Variants in SLC6A2 observed in about 807,000 individuals in gnomAD.
SLC6A2 encodes the protein solute carrier family 6 member 2.
Under a neutral mutation model 71.7 loss-of-function variants are expected in SLC6A2, and 26 were observed. The ratio of observed to expected loss-of-function variants is 0.36; its 90% CI spans 0.27 to 0.50. The LOEUF is 0.50. Ranked by LOEUF, SLC6A2 falls within the 20% of genes least tolerant of loss-of-function variation. The pLI, the probability that SLC6A2 is intolerant of heterozygous loss-of-function variation, is 0.96. For missense variants in SLC6A2, 581 were observed against 803.9 expected (o/e 0.72, Z 3.35); for synonymous variants, 363 against 337.9 (o/e 1.07, Z -0.82).
chr16:55,671,546 T>A, intron 3 of SLC6A2: 1 of 418,798 alleles, frequency 2.4e-6, no homozygotes, highest in Non-Finnish European at 4.3e-6. Flanking sequence ...AAGCTTCATC[T>A]GTATTTACAG....
chr16:55,692,052 G>A lies in SLC6A2; in HGVS notation c.918G>A (p.Thr306=), dbSNP rs774095404. ...HIDFYRLKEA[T]VWIDAATQIF... ...ACTTCTACCGCTTGAAAGAGGCCACGGTCAGTGCTCAGTGACCACCAAGCC... is the reference window on the plus strand; with the variant it reads ...ACTTCTACCGCTTGAAAGAGGCCACAGTCAGTGCTCAGTGACCACCAAGCC... Residue 306 remains threonine, a splice_region_variant and synonymous_variant, in exon 6 of 15, where the codon ACG becomes ACA. Coordinates refer to ENST00000568943, the MANE Select transcript of SLC6A2 (RefSeq NM_001172501.3). The A allele has an allele frequency of 1.9e-6, 3 of 1,614,128 alleles. No homozygotes were observed. Among genetic ancestry groups the A allele is most frequent in the Non-Finnish European group, 2.5e-6 (3 of 1,180,030 alleles).
intron 11 of SLC6A2, 89 bp downstream of exon 11, chr16:55,698,657 C>A: frequency 1.1e-6 from 1 of 889,248 alleles, no homozygotes; most frequent in Non-Finnish European, 1.9e-6. Context: ...ATTTCCAGGA[C>A]AGCCACCTAA....
Position 55,656,773 on chromosome 16 carries a change from G to A in SLC6A2, c.79G>A (p.Ala27Thr). 1 of 1,613,338 alleles carries A rather than the reference G, an allele frequency of 6.2e-7. No individual in the cohort carries two copies. Among genetic ancestry groups the A allele is most frequent in the Non-Finnish European group, 8.5e-7 (1 of 1,179,818 alleles). The part of the protein sequence containing the change: ...ADTGPEQPLR[A>T]RKTAELLVVK... ...CACGGGTCCAGAGCAGCCCCTTCGG[G>A]CGCGCAAAACTGCGGAGCTGCTGGT... Residue 27 changes from alanine to threonine, a missense_variant, in exon 2 of 15, where the codon GCG becomes ACG. Around this residue, in one of 5 missense-constraint regions of SLC6A2, gnomAD observed 76 missense variants for 79.9 expected, o/e 0.95. Coordinates refer to ENST00000568943, the MANE Select transcript of SLC6A2 (RefSeq NM_001172501.3). The surrounding 1 kb of genome is among the most constrained non-coding windows in gnomAD (Gnocchi z 4.5).
At chr16:55,659,559 G>T (rs1015413603) in intron 2 of SLC6A2, among the ~76,000 whole-genome samples, 2 of 152,148 alleles carry the variant, frequency 1.3e-5, no homozygotes, top group African/African-American at 4.8e-5. Flanking sequence ...ACAGGAAAAG[G>T]CACAATGAGG....
At chr16:55,669,316 G>A (rs553751193) in intron 2 of SLC6A2, among the ~76,000 whole-genome samples, 1 of 152,314 alleles carries the variant, frequency 6.6e-6, no homozygotes, top group Admixed American at 6.5e-5. Context: ...CCTGCAAGAA[G>A]CAAACCTATT....
intron 5 of SLC6A2, among the ~76,000 whole-genome samples, chr16:55,688,656 T>C (rs1256126088): frequency 3.3e-5 from 5 of 152,196 alleles, no homozygotes; most frequent in African/African-American, 9.7e-5. Flanking sequence ...GAGAGTCTGA[T>C]TCAGTGGGGA....
At chr16:55,701,020 A>G (rs905330277) in intron 13 of SLC6A2, among the ~76,000 whole-genome samples, 5 of 152,194 alleles carry the variant, frequency 3.3e-5, no homozygotes, top group Non-Finnish European at 5.9e-5. Flanking sequence ...AACAAAGATG[A>G]TTTCATTCCT....
chr16:55,693,387 T>TTGCAGCTTAGTC (rs1383624518), intron 6 of SLC6A2, among the ~76,000 whole-genome samples: 3 of 150,346 alleles, frequency 2.0e-5, no homozygotes, highest in South Asian at 2.1e-4. Flanking sequence ...AAAATCTGAA[T>TTGCAGCTTAGTC]TGCAGCTTAG....
chr16:55,669,445 C>T (rs895390199), intron 2 of SLC6A2, 120 bp from the exon 3 acceptor site: 10 of 952,326 alleles, frequency 1.1e-5, no homozygotes, highest in Middle Eastern at 6.2e-4. Context: ...TGCTGCGCGT[C>T]GCCTTTGGAA....
At chr16:55,686,233 G>C (rs1367327991) in intron 5 of SLC6A2, among the ~76,000 whole-genome samples, 1 of 152,190 alleles carries the variant, frequency 6.6e-6, no homozygotes, top group East Asian at 1.9e-4. Flanking sequence ...ATTCTAGATG[G>C]TGCATACACA....
chr16:55,691,230 G>GGAGAGAGA (rs56308124), intron 5 of SLC6A2, among the ~76,000 whole-genome samples: 6 of 46,444 alleles, frequency 1.3e-4, no homozygotes, highest in African/African-American at 5.1e-4. Flanking sequence ...GGGGAGAGGG[G>GGAGAGAGA]GAGAGAGAGA....
intron 3 of SLC6A2, chr16:55,671,584 T>C (rs1596965280): frequency 2.0e-6 from 1 of 491,524 alleles, no homozygotes; most frequent in East Asian, 3.1e-5. Flanking sequence ...CATGACCGCC[T>C]GAGCTCCGCC....
intron 2 of SLC6A2, among the ~76,000 whole-genome samples, chr16:55,668,466 G>C (rs561986962): frequency 6.6e-6 from 1 of 152,132 alleles, no homozygotes; most frequent in Non-Finnish European, 1.5e-5. Context: ...GTAGGTCAGA[G>C]AGTATTTGGT....
intron 4 of SLC6A2, among the ~76,000 whole-genome samples, chr16:55,674,671 T>G (rs1965028555): frequency 6.6e-6 from 1 of 152,164 alleles, no homozygotes; most frequent in Admixed American, 6.5e-5. Flanking sequence ...GTGATCCACC[T>G]GCCTTGGCCT....
chr16:55,657,912 C>CTCCTGCGGTGCCCAG (rs1610905), intron 2 of SLC6A2, among the ~76,000 whole-genome samples: 74,747 of 151,822 alleles, frequency 0.49, 18,729 homozygotes, highest in Admixed American at 0.54. Flanking sequence ...AGGGGCTTTG[C>CTCCTGCGGTGCCCAG]TCCTGCCACT....
chr16:55,676,364 A>T (rs956891613), intron 4 of SLC6A2, among the ~76,000 whole-genome samples: 11 of 152,072 alleles, frequency 7.2e-5, no homozygotes, highest in African/African-American at 2.4e-4. Context: ...CACCCACCTA[A>T]TGAGGTTTTT....
At chr16:55,677,299 G>A (rs1299757923) in intron 4 of SLC6A2, among the ~76,000 whole-genome samples, 3 of 150,966 alleles carry the variant, frequency 2.0e-5, no homozygotes, top group African/African-American at 7.4e-5. Flanking sequence ...GAGTGCTGCC[G>A]ACACATGTGA....
intron 5 of SLC6A2, 147 bp from the exon 6 acceptor site, chr16:55,691,771 A>T: frequency 1.1e-6 from 1 of 914,040 alleles, no homozygotes; most frequent in Non-Finnish European, 1.7e-6. Flanking sequence ...GGCCTTGCCT[A>T]GAGCTGGAAC....
chr16:55,659,367 C>T (rs141680758), intron 2 of SLC6A2, among the ~76,000 whole-genome samples: 1 of 152,264 alleles, frequency 6.6e-6, no homozygotes, highest in Non-Finnish European at 1.5e-5. Flanking sequence ...AAATAAAGAG[C>T]ACCTGTTGTA....
Sources: gnomAD v4.1 joint callset for allele counts (sites outside exome capture counted in the v4.1 genomes callset) on GRCh38, gnomAD v4.1.1 for gene constraint, gnomAD v4.1.1 regional missense constraint, Gnocchi (gnomAD v3.1) non-coding constraint, MANE v1.5 for transcripts, NCBI Gene and HGNC (gene_info 2026-07-23, HGNC 2026-07-21) for gene names.